Variants in PER2 observed in about 807,000 individuals in gnomAD.
The protein encoded by PER2 is period circadian protein homolog 2.
PER2 carries 66 observed loss-of-function variants against 121.0 expected under a neutral mutation model. The ratio of observed to expected loss-of-function variants is 0.55; its 90% CI spans 0.45 to 0.67. The LOEUF (loss-of-function observed/expected upper bound fraction) is 0.67. PER2 is among the 30% of genes least tolerant of loss of function. The probability of loss-of-function intolerance (pLI) is 0.00; values close to 1 mark genes in which losing one functional copy is unlikely to be tolerated. For synonymous variants in PER2, 684 were observed against 659.9 expected (o/e 1.04, Z -0.56); for missense variants, 1,521 against 1,635.0 (o/e 0.93, Z 1.20).
rs781452235 is a variant in PER2, at chr2:238,251,663, G to A, written c.3210C>T (p.Gly1070=). The change falls in exon 20 of 23, where the codon GGC becomes GGT. Residue 1070 remains glycine (G), a synonymous_variant. Transcript: ENST00000254657. ...LLNEDLCSAS[G]SAASESLGSG... ...AGCCCAGAGACTCCGAAGCAGCAGA[G>A]CCCGAGGCTGAGCAGAGGTCCTCAT... 1.2e-6 allele frequency: 2 copies of A among 1,614,180 alleles called. No individual in the cohort carries two copies. Among genetic ancestry groups the A allele is most frequent in the South Asian group, 2.2e-5 (2 of 91,082 alleles).
intron 13 of PER2, among the ~76,000 whole-genome samples, chr2:238,260,412 A>G (rs909980569): frequency 3.9e-5 from 6 of 152,060 alleles, no homozygotes; most frequent in Non-Finnish European, 5.9e-5. Context: ...GCGCGCCACC[A>G]TGCAAGGCAA....
rs374368178 is a variant in PER2, at chr2:238,268,008, G to C, written c.967+48C>G. ...ATGTGTGAACCACAGGAGTAACTGAGGGGGAGCCAGAGACAACATCTGCCC... is the reference window on the plus strand; with the variant it reads ...ATGTGTGAACCACAGGAGTAACTGACGGGGAGCCAGAGACAACATCTGCCC... On this transcript the variant is annotated intron_variant, in intron 8 of 22. Coordinates refer to ENST00000254657, the MANE Select transcript of PER2 (RefSeq NM_022817.3). The surrounding 1 kb of genome is among the most constrained non-coding windows in gnomAD (Gnocchi z 4.0). 1.9e-6 allele frequency: 3 copies of C among 1,605,442 alleles called. No individual in the cohort carries two copies. Among genetic ancestry groups the C allele is most frequent in the South Asian group, 1.1e-5 (1 of 90,812 alleles).
rs1004368226 is a variant in PER2 at position 238,268,954 on chromosome 2, T to G, written c.793A>C (p.Met265Leu). 1.2e-6 allele frequency: 2 copies of G among 1,612,840 alleles called. No homozygotes were observed. The highest frequency in any genetic ancestry group is 1.7e-5 in the Admixed American group (1 of 60,026). ...SGADSFTQEC[M>L]EEKSFFCRVS... ...CGGCAAAAGAAAGATTTCTCCTCCA[T>G]GCATTCTTGAGTAAAAGAATCTAAA... is the stretch of plus-strand genomic sequence containing the variant. The change falls in exon 7 of 23, where the codon ATG becomes CTG. Residue 265 changes from methionine (M) to leucine (L), a missense_variant. Physicochemically the swap from Met to Leu is conservative, Grantham distance 15. Coordinates refer to ENST00000254657, the MANE Select transcript of PER2 (RefSeq NM_022817.3). The surrounding 1 kb of genome is among the most constrained non-coding windows in gnomAD (Gnocchi z 4.0).
intron 1 of PER2, among the ~76,000 whole-genome samples, chr2:238,279,795 C>T (rs1574859864): frequency 6.6e-6 from 1 of 152,160 alleles, no homozygotes; most frequent in East Asian, 1.9e-4. Flanking sequence ...CCCTAGAAGT[C>T]CCGAAGGGTC....
chr2:238,273,055 C>A lies in PER2; in HGVS notation c.570+15G>T, dbSNP rs76600246. Reference sequence around the variant, plus strand: ...CCTGCCATTTTAGAAAGAAACTTTGCGGAAAGAGGCTTACGGCATTCTTCA... The same window carrying A: ...CCTGCCATTTTAGAAAGAAACTTTGAGGAAAGAGGCTTACGGCATTCTTCA... On this transcript the variant is annotated intron_variant, in intron 5 of 22. Transcript: ENST00000254657. 9 of 1,613,720 alleles carry A rather than the reference C, an allele frequency of 5.6e-6. No individual in the cohort carries two copies. Among genetic ancestry groups the A allele is most frequent in the Admixed American group, 3.3e-5 (2 of 60,020 alleles).
rs555041463 is a variant in PER2 at position 238,276,935 on chromosome 2, G to A, written c.293+196C>T. ...GCTACAGGTACTGGAGCGACATCCC[G>A]GGGGCTCTGGACGGTGAGGGGACAC... On this transcript the variant is annotated intron_variant, in intron 3 of 22. Transcript: ENST00000254657. Among the ~76,000 whole-genome samples the A allele has an allele frequency of 1.2e-4, 19 of 152,276 alleles. No individual in the cohort carries two copies. In the East Asian group the frequency reaches 2.9e-3, roughly 23 times the overall value.
chr2:238,265,280 GA>G (rs1696059735), intron 9 of PER2, among the ~76,000 whole-genome samples: 1 of 152,186 alleles, frequency 6.6e-6, no homozygotes, highest in Non-Finnish European at 1.5e-5. Flanking sequence ...GTTTATATGG[GA>G]GAATTAAGAC....
chr2:238,264,798 T>C (rs1353523802), intron 9 of PER2, among the ~76,000 whole-genome samples: 1 of 152,088 alleles, frequency 6.6e-6, no homozygotes, highest in Admixed American at 6.6e-5. Flanking sequence ...AATTTTTATT[T>C]TATTTTGCAG....
intron 20 of PER2, 40 bp from the exon 21 acceptor site, chr2:238,250,783 T>C (rs1324769463): frequency 7.1e-7 from 1 of 1,412,976 alleles, no homozygotes; most frequent in Non-Finnish European, 1.0e-6. Context: ...AACATTGACA[T>C]ATGAAATTAA....
chr2:238,251,788 T>C, intron 19 of PER2, 27 bp from the exon 20 acceptor site: 2 of 1,475,682 alleles, frequency 1.4e-6, no homozygotes, highest in Non-Finnish European at 1.8e-6. Flanking sequence ...CAGATACTGC[T>C]GTTCAGGGGC....
chr2:238,271,416 C>T lies in PER2; in HGVS notation c.668G>A (p.Ser223Asn). The T allele has an allele frequency of 1.9e-6, 3 of 1,614,094 alleles. No individual in the cohort carries two copies. Among genetic ancestry groups the T allele is most frequent in the Non-Finnish European group, 2.5e-6 (3 of 1,179,888 alleles). ...CAGGAACTCCACAAACTTGGCATCG[C>T]TGAAGGCATCTCTTTTACAGTGAAA... ...SIFHCKRDAF[S>N]DAKFVEFLAP... Residue 223 changes from serine (S) to asparagine (N), a missense_variant, in exon 6 of 23, where the codon AGC becomes AAC. Coordinates refer to ENST00000254657, the MANE Select transcript of PER2 (RefSeq NM_022817.3).
At position 238,262,181 on chromosome 2, in the gene PER2, G is replaced by A; in HGVS notation, c.1307+10C>T. 1 of 1,613,184 alleles carries A rather than the reference G, an allele frequency of 6.2e-7. No homozygotes were observed. The highest frequency in any genetic ancestry group is 8.5e-7 in the Non-Finnish European group (1 of 1,179,824). ...ACCCCTGAGCCACCTCGGGCCCTTG[G>A]AGCACTCACACCCTGACTTTGTGCC... On this transcript the variant is annotated intron_variant, in intron 11 of 22. Transcript: ENST00000254657.
chr2:238,246,181 C>T lies in PER2; in HGVS notation c.*194G>A. On this transcript the variant is annotated 3_prime_UTR_variant, in exon 23 of 23. Transcript: ENST00000254657. ...ATATTTTATATATAAAAACATATTT[C>T]TTTCCGAACTCTCCCCACTCTCCAC... 2.7e-6 allele frequency: 1 copy of T among 374,446 alleles called. No homozygotes were observed. The highest frequency in any genetic ancestry group is 4.7e-6 in the Non-Finnish European group (1 of 210,656). The allele number at this position is 374,446 out of a possible 1,614,324, so 23.2% of individuals were successfully genotyped here.
chr2:238,271,583 G>T, intron 5 of PER2, 70 bp from the exon 6 acceptor site: 1 of 1,251,122 alleles, frequency 8.0e-7, no homozygotes, highest in Non-Finnish European at 1.2e-6. Context: ...ACTCAGGCAG[G>T]CAGGCTGGAG....
intron 1 of PER2, among the ~76,000 whole-genome samples, chr2:238,282,642 C>T (rs1047002689): frequency 2.0e-5 from 3 of 152,244 alleles, no homozygotes; most frequent in Non-Finnish European, 4.4e-5. Context: ...TGCCCGGTGC[C>T]AGCAGTTTCC....
Position 238,251,780 on chromosome 2 carries a change from G to T in PER2, c.3112-19C>A, listed in dbSNP as rs1321806037. The stretch of plus-strand genomic sequence containing the variant: ...CATCACGCTTTAGGGACAGGAAGCA[G>T]ATACTGCTGTTCAGGGGCTCAGTCA... On this transcript the variant is annotated intron_variant, in intron 19 of 22. Transcript: ENST00000254657. 45 of 1,274,416 alleles carry T rather than the reference G, an allele frequency of 3.5e-5. No homozygotes were observed. Among genetic ancestry groups the T allele is most frequent in the Non-Finnish European group, 4.7e-5 (44 of 936,800 alleles). The allele number at this position is 1,274,416 out of a possible 1,614,324, so 78.9% of individuals were successfully genotyped here.
intron 4 of PER2, among the ~76,000 whole-genome samples, chr2:238,274,025 C>A (rs1275871468): frequency 2.0e-5 from 3 of 152,208 alleles, no homozygotes; most frequent in Non-Finnish European, 4.4e-5. Context: ...CACATGGCAA[C>A]CCCTGCACAT....
intron 22 of PER2, 96 bp downstream of exon 22, chr2:238,248,966 G>C (rs746739546): frequency 1.4e-6 from 2 of 1,384,514 alleles, no homozygotes; most frequent in Admixed American, 3.3e-5. Context: ...AATTTTAGAA[G>C]TTTTAAATTG....
At position 238,246,358 on chromosome 2, in the gene PER2, C is replaced by T; in HGVS notation, c.*17G>A. ...CTGGTGTACCTCGCTGGCTGCCGGG[C>T]TGAGGTGGGGCAGGGGTTACGTCTG... On this transcript the variant is annotated 3_prime_UTR_variant, in exon 23 of 23. Coordinates refer to ENST00000254657, the MANE Select transcript of PER2 (RefSeq NM_022817.3). The T allele has an allele frequency of 6.3e-7, 1 of 1,582,064 alleles. No homozygotes were observed. The highest frequency in any genetic ancestry group is 8.6e-7 in the Non-Finnish European group (1 of 1,161,072).
Sources: allele counts gnomAD v4.1 joint callset (sites outside exome capture counted in the v4.1 genomes callset), GRCh38; gene constraint gnomAD v4.1.1; non-coding constraint Gnocchi (gnomAD v3.1); transcripts MANE v1.5; gene names NCBI Gene and HGNC (gene_info 2026-07-23, HGNC 2026-07-21).